Variants in ST8SIA1 observed in about 807,000 individuals in gnomAD.
ST8SIA1 encodes ST8 alpha-N-acetyl-neuraminide alpha-2,8-sialyltransferase 1.
ST8SIA1 carries 16 observed loss-of-function variants against 35.9 expected under a neutral mutation model. That is an observed-to-expected ratio of 0.45 (90% CI 0.30 to 0.68). ST8SIA1 has a LOEUF of 0.68. ST8SIA1 is among the 30% of genes least tolerant of loss of function. The pLI is 0.09. For missense variants in ST8SIA1, 383 were observed against 453.6 expected (o/e 0.84, Z 1.41); for synonymous variants, 170 against 169.6 (o/e 1.00, Z -0.02).
intron 1 of ST8SIA1, among the ~76,000 whole-genome samples, chr12:22,313,257 C>T (rs866794546): frequency 3.3e-5 from 5 of 152,140 alleles, no homozygotes; most frequent in Non-Finnish European, 2.9e-5. Flanking sequence ...GAAACTGTCA[C>T]ATTTCTCAAC....
chr12:22,263,708 G>A (rs1865817061), intron 2 of ST8SIA1, among the ~76,000 whole-genome samples: 1 of 152,130 alleles, frequency 6.6e-6, no homozygotes, highest in Non-Finnish European at 1.5e-5. Flanking sequence ...TCTTTGACAG[G>A]AAGGGGGAGC....
At chr12:22,289,980 G>A (rs1866154396) in intron 1 of ST8SIA1, among the ~76,000 whole-genome samples, 1 of 152,184 alleles carries the variant, frequency 6.6e-6, no homozygotes, top group South Asian at 2.1e-4. Context: ...GATAAAATAT[G>A]TATTAGATTA....
intron 4 of ST8SIA1, 44 bp downstream of exon 4, chr12:22,248,962 G>A (rs772126334): frequency 1.4e-6 from 2 of 1,434,192 alleles, no homozygotes; most frequent in Non-Finnish European, 2.0e-6. Flanking sequence ...TACTTGAGAA[G>A]ACTTCATCTT....
At chr12:22,288,226 C>T (rs1203996491) in intron 1 of ST8SIA1, among the ~76,000 whole-genome samples, 1 of 152,222 alleles carries the variant, frequency 6.6e-6, no homozygotes, top group African/African-American at 2.4e-5. Context: ...AAACAAATTG[C>T]TGGCATAAAC....
intron 1 of ST8SIA1, among the ~76,000 whole-genome samples, chr12:22,314,565 A>G (rs2135835430): frequency 6.6e-6 from 1 of 152,316 alleles, no homozygotes; most frequent in East Asian, 1.9e-4. Context: ...GTTCTGGTCC[A>G]CATTCCATGA....
In ST8SIA1 at chr12:22,193,565, C is replaced by T. The variant is rs975511126; in HGVS notation, c.*7987G>A. ...CCTCCTATGACATTGCATTTAGATTCGGTGGAAAGAAGCAAGTCAGCAGAA... is the reference window on the plus strand; with the variant it reads ...CCTCCTATGACATTGCATTTAGATTTGGTGGAAAGAAGCAAGTCAGCAGAA... On this transcript the variant is annotated 3_prime_UTR_variant, in exon 5 of 5. Transcript: ENST00000396037. 2.6e-5 allele frequency: 4 copies of T among 152,082 alleles called. No individual in the cohort carries two copies. The highest frequency in any genetic ancestry group is 2.1e-4 in the South Asian group (1 of 4,820). 9.4% of individuals were successfully genotyped at this position (152,082 alleles called of 1,614,324 possible).
chr12:22,221,821 C>T (rs1375558906), intron 4 of ST8SIA1, among the ~76,000 whole-genome samples: 2 of 152,196 alleles, frequency 1.3e-5, no homozygotes, highest in Non-Finnish European at 2.9e-5. Context: ...ATAGTAATTT[C>T]TTCCATTTCT....
Position 22,197,411 on chromosome 12 carries a change from TTA to T in ST8SIA1, c.*4139_*4140del, listed in dbSNP as rs758840018. The T allele has an allele frequency of 1.1e-4, 17 of 152,296 alleles. No individual in the cohort carries two copies. The highest frequency in any genetic ancestry group is 2.1e-4 in the Non-Finnish European group (14 of 68,016). 9.4% of individuals were successfully genotyped at this position (152,296 alleles called of 1,614,324 possible). A position where few individuals can be genotyped will look rare whatever the true frequency, so the allele number is the denominator to read the frequency against. Reference sequence around the variant, plus strand: ...TGGACTGGTAACATTCCCCTCCCCCTTAGGTCCCTCCTAACAAGTATTTGTCA... The same window carrying T: ...TGGACTGGTAACATTCCCCTCCCCCTGGTCCCTCCTAACAAGTATTTGTCA... On this transcript the variant is annotated 3_prime_UTR_variant, in exon 5 of 5. Coordinates refer to ENST00000396037, the MANE Select transcript of ST8SIA1 (RefSeq NM_003034.4).
chr12:22,283,494 G>A (rs1866060859), intron 2 of ST8SIA1, among the ~76,000 whole-genome samples: 1 of 152,076 alleles, frequency 6.6e-6, no homozygotes, highest in African/African-American at 2.4e-5. Context: ...CCAGGGGATT[G>A]GGAGCAGCTA....
chr12:22,298,569 T>C (rs1866276159), intron 1 of ST8SIA1, among the ~76,000 whole-genome samples: 2 of 152,230 alleles, frequency 1.3e-5, no homozygotes, highest in South Asian at 4.1e-4. Context: ...CAATATTCTT[T>C]CTCTATATCA....
chr12:22,299,148 T>C (rs764326558), intron 1 of ST8SIA1, among the ~76,000 whole-genome samples: 1 of 152,090 alleles, frequency 6.6e-6, no homozygotes, highest in Non-Finnish European at 1.5e-5. Flanking sequence ...GTATATTAGA[T>C]TAAATAATAG....
At chr12:22,241,077 G>A (rs995379290) in intron 4 of ST8SIA1, among the ~76,000 whole-genome samples, 11 of 146,720 alleles carry the variant, frequency 7.5e-5, no homozygotes, top group African/African-American at 1.3e-4. Context: ...TAACCCTAAC[G>A]CAACCTTCTG....
intron 2 of ST8SIA1, among the ~76,000 whole-genome samples, chr12:22,255,787 T>C (rs192927900): frequency 2.6e-5 from 4 of 152,372 alleles, no homozygotes; most frequent in East Asian, 1.9e-4. Flanking sequence ...CATTCATTCA[T>C]ACAATCAGCC....
At chr12:22,254,838 T>C (rs1388081117) in intron 3 of ST8SIA1, among the ~76,000 whole-genome samples, 1 of 152,208 alleles carries the variant, frequency 6.6e-6, no homozygotes, top group African/African-American at 2.4e-5. Flanking sequence ...TTAATCCGTC[T>C]TCAGATCCCA....
chr12:22,229,265 G>T (rs1865389774), intron 4 of ST8SIA1, among the ~76,000 whole-genome samples: 1 of 152,088 alleles, frequency 6.6e-6, no homozygotes, highest in African/African-American at 2.4e-5. Context: ...ATGTAAAAGT[G>T]ATATTAACAG....
intron 4 of ST8SIA1, among the ~76,000 whole-genome samples, chr12:22,245,039 A>T (rs140974745): frequency 0.017 from 2,570 of 152,252 alleles, 29 homozygotes; most frequent in Middle Eastern, 0.044. Context: ...CTTAATTATA[A>T]TAGCTTTTTA....
At chr12:22,286,255 CATGG>C (rs1866100254) in intron 2 of ST8SIA1, among the ~76,000 whole-genome samples, 2 of 152,196 alleles carry the variant, frequency 1.3e-5, no homozygotes, top group Non-Finnish European at 2.9e-5. Context: ...AGCTAGTCAG[CATGG>C]CTGTTTTATA....
At chr12:22,298,694 C>T (rs904789295) in intron 1 of ST8SIA1, among the ~76,000 whole-genome samples, 2 of 152,184 alleles carry the variant, frequency 1.3e-5, no homozygotes, top group African/African-American at 4.8e-5. Flanking sequence ...TCCAGTGGGT[C>T]AACTCAGCTC....
chr12:22,324,071 A>G (rs1259525644), intron 1 of ST8SIA1, among the ~76,000 whole-genome samples: 4 of 152,212 alleles, frequency 2.6e-5, no homozygotes, highest in Non-Finnish European at 4.4e-5. Context: ...AAAGTCATCA[A>G]ATGACAGTGT....
Sources: gnomAD v4.1 joint callset for allele counts (sites outside exome capture counted in the v4.1 genomes callset) on GRCh38, gnomAD v4.1.1 for gene constraint, MANE v1.5 for transcripts, NCBI Gene and HGNC (gene_info 2026-07-23, HGNC 2026-07-21) for gene names.